NRG3: variants seen among roughly 807,000 people sequenced by gnomAD.
NRG3 encodes pro-neuregulin-3, membrane-bound isoform.
Under a neutral mutation model 66.9 loss-of-function variants are expected in NRG3, and 31 were observed. That is an observed-to-expected ratio of 0.46 (90% CI 0.35 to 0.63). The LOEUF (loss-of-function observed/expected upper bound fraction) is 0.63. Among genes scored for constraint, NRG3 ranks in the 20% least tolerant of loss-of-function variants. NRG3 has a pLI of 0.00. For synonymous variants in NRG3, 393 were observed against 359.4 expected (o/e 1.09, Z -1.06); for missense variants, 910 against 878.9 (o/e 1.04, Z -0.45).
intron 2 of NRG3, among the ~76,000 whole-genome samples, chr10:82,501,145 G>A (rs1043574984): frequency 1.3e-5 from 2 of 152,214 alleles, no homozygotes; most frequent in East Asian, 3.9e-4. Context: ...CAAGCTGGAG[G>A]CAGATTTGGA....
chr10:82,298,146 AAAAG>A (rs531702331), intron 1 of NRG3, among the ~76,000 whole-genome samples: 223 of 151,882 alleles, frequency 1.5e-3, no homozygotes, highest in African/African-American at 4.9e-3. Flanking sequence ...TTCTGTCAAA[AAAAG>A]AAAGAAAGAA....
At chr10:82,304,921 C>T (rs543145451) in intron 1 of NRG3, among the ~76,000 whole-genome samples, 2 of 150,044 alleles carry the variant, frequency 1.3e-5, no homozygotes, top group South Asian at 2.1e-4. Context: ...TATTGACTAT[C>T]ACAGATCTTC....
intron 2 of NRG3, among the ~76,000 whole-genome samples, chr10:82,635,519 T>C (rs1034630015): frequency 8.5e-5 from 13 of 152,252 alleles, no homozygotes; most frequent in African/African-American, 3.1e-4. Flanking sequence ...GGAGGATTCA[T>C]GGTCTTACTT....
chr10:82,082,978 T>C (rs950803861), intron 1 of NRG3, among the ~76,000 whole-genome samples: 1 of 151,994 alleles, frequency 6.6e-6, no homozygotes, highest in Admixed American at 6.6e-5. Context: ...TCTTGCTTTG[T>C]CACCAGGCTA....
intron 3 of NRG3, among the ~76,000 whole-genome samples, chr10:82,755,566 G>A (rs927553418): frequency 6.6e-6 from 1 of 152,104 alleles, no homozygotes; most frequent in Non-Finnish European, 1.5e-5. Context: ...TAAGGGAAGG[G>A]AAGAATCTGA....
chr10:82,788,968 G>A, intron 3 of NRG3, among the ~76,000 whole-genome samples: 1 of 151,916 alleles, frequency 6.6e-6, no homozygotes, highest in East Asian at 1.9e-4. Context: ...TCAAATTTGT[G>A]CTATGAACAT....
At chr10:82,169,847 T>C (rs1273405036) in intron 1 of NRG3, among the ~76,000 whole-genome samples, 2 of 151,948 alleles carry the variant, frequency 1.3e-5, no homozygotes, top group Non-Finnish European at 2.9e-5. Context: ...TTTTTCTTTA[T>C]ATTGTTTTCC....
intron 2 of NRG3, among the ~76,000 whole-genome samples, chr10:82,421,592 A>C (rs552784688): frequency 2.0e-5 from 3 of 152,068 alleles, no homozygotes; most frequent in Non-Finnish European, 4.4e-5. Flanking sequence ...TAAAAAATGA[A>C]TTTCCCAAAT....
chr10:82,008,692 T>G (rs2061466384), intron 1 of NRG3, among the ~76,000 whole-genome samples: 1 of 152,202 alleles, frequency 6.6e-6, no homozygotes, highest in Non-Finnish European at 1.5e-5. Flanking sequence ...GTCTCTTTAT[T>G]TTGATCTCTA....
chr10:81,999,519 C>G (rs2061082527), intron 1 of NRG3, among the ~76,000 whole-genome samples: 1 of 152,080 alleles, frequency 6.6e-6, no homozygotes, highest in Non-Finnish European at 1.5e-5. Context: ...AATATTTTCT[C>G]TAGGAGAGGT....
chr10:82,249,054 G>A (rs2077369916), intron 1 of NRG3, among the ~76,000 whole-genome samples: 1 of 152,132 alleles, frequency 6.6e-6, no homozygotes, highest in South Asian at 2.1e-4. Flanking sequence ...GATGCCTTTT[G>A]TAATCCTCTA....
chr10:82,393,116 C>T (rs1235145276), intron 2 of NRG3, among the ~76,000 whole-genome samples: 1 of 152,028 alleles, frequency 6.6e-6, no homozygotes, highest in African/African-American at 2.4e-5. Flanking sequence ...TCACAGAACC[C>T]CTCTGGACCC....
At chr10:82,123,235 C>T (rs1037634980) in intron 1 of NRG3, among the ~76,000 whole-genome samples, 2 of 152,070 alleles carry the variant, frequency 1.3e-5, no homozygotes, top group Non-Finnish European at 2.9e-5. Flanking sequence ...AATTATAATA[C>T]TTGGAATATC....
chr10:82,516,103 C>A (rs1289300414), intron 2 of NRG3, among the ~76,000 whole-genome samples: 1 of 151,912 alleles, frequency 6.6e-6, no homozygotes, highest in African/African-American at 2.4e-5. Context: ...TCTTTTGTAG[C>A]AGCATAGATT....
intron 2 of NRG3, among the ~76,000 whole-genome samples, chr10:82,596,464 A>G (rs769405395): frequency 2.6e-5 from 4 of 152,262 alleles, no homozygotes; most frequent in Admixed American, 2.6e-4. Context: ...GTTTCTCAAG[A>G]TAAGAGGGGA....
chr10:82,545,701 T>C (rs2043853030), intron 2 of NRG3, among the ~76,000 whole-genome samples: 1 of 150,100 alleles, frequency 6.7e-6, no homozygotes, highest in South Asian at 2.1e-4. Flanking sequence ...CTTTTTAAAC[T>C]CCTGTGCATC....
chr10:82,505,384 T>A (rs1844572288), intron 2 of NRG3, among the ~76,000 whole-genome samples: 1 of 152,230 alleles, frequency 6.6e-6, no homozygotes, highest in Non-Finnish European at 1.5e-5. Context: ...CCTGTAGCTA[T>A]TTACCAACTG....
chr10:82,839,492 C>T (rs1264813323), intron 3 of NRG3, among the ~76,000 whole-genome samples: 1 of 151,594 alleles, frequency 6.6e-6, no homozygotes, highest in African/African-American at 2.4e-5. Context: ...TGAAAAGACT[C>T]TACAATACCA....
chr10:82,939,941 C>T (rs1316407124), intron 4 of NRG3, among the ~76,000 whole-genome samples: 2 of 151,636 alleles, frequency 1.3e-5, no homozygotes. Context: ...ACATCCAGCT[C>T]AGAAGCTATT....
Sources: gnomAD v4.1 joint callset for allele counts (sites outside exome capture counted in the v4.1 genomes callset) on GRCh38, gnomAD v4.1.1 for gene constraint, MANE v1.5 for transcripts, NCBI Gene and HGNC (gene_info 2026-07-23, HGNC 2026-07-21) for gene names.